The following KCNQ3 variants were observed in gnomAD, a reference collection of about 807,000 sequenced individuals.
KCNQ3 encodes the protein potassium voltage-gated channel subfamily KQT member 3.
KCNQ3 carries 30 observed loss-of-function variants against 92.5 expected under a neutral mutation model. That is an observed-to-expected ratio of 0.32 (90% CI 0.24 to 0.44). KCNQ3 has a LOEUF of 0.44. KCNQ3 is among the 20% of genes least tolerant of loss of function. KCNQ3 has a pLI of 1.00. For synonymous variants in KCNQ3, 450 were observed against 468.8 expected, an observed-to-expected ratio of 0.96 and a Z score of 0.52; for missense variants, 913 against 1,140.3, an observed-to-expected ratio of 0.80 and a Z score of 2.87.
intron 1 of KCNQ3, among the ~76,000 whole-genome samples, chr8:132,476,577 G>C (rs1412793057): frequency 1.3e-5 from 2 of 152,216 alleles, no homozygotes; most frequent in East Asian, 3.9e-4. Context: ...AGACTTGCAT[G>C]GGGCCTGTGG....
chr8:132,298,084 T>C (rs535262493), intron 1 of KCNQ3, among the ~76,000 whole-genome samples: 1 of 152,278 alleles, frequency 6.6e-6, no homozygotes, highest in South Asian at 2.1e-4. Flanking sequence ...GCCTTTGTGT[T>C]AGAGAAGAGG....
chr8:132,264,463 GT>G (rs1245668687), intron 1 of KCNQ3, among the ~76,000 whole-genome samples: 1 of 152,236 alleles, frequency 6.6e-6, no homozygotes, highest in Non-Finnish European at 1.5e-5. Flanking sequence ...TGTGCAGTGA[GT>G]GTAGTGGGCA....
Position 132,280,638 on chromosome 8 carries a change from G to A in KCNQ3, c.387-94457C>T, listed in dbSNP as rs527777972. On this transcript the variant is annotated intron_variant, in intron 1 of 14. Transcript: ENST00000388996. ...AGGGGACATCCAAACTCTATCAGTG[G>A]TCACAGGAGACCTTTTGGTGGAGAT... is the stretch of plus-strand genomic sequence containing the variant. Among the ~76,000 whole-genome samples the A allele has an allele frequency of 1.4e-3, 219 of 152,288 alleles. 1 individual carries two copies. Among genetic ancestry groups the A allele is most frequent in the African/African-American group, 5.2e-3 (215 of 41,554 alleles).
At chr8:132,362,904 CAG>C (rs1586957773) in intron 1 of KCNQ3, among the ~76,000 whole-genome samples, 1 of 152,104 alleles carries the variant, frequency 6.6e-6, no homozygotes, top group African/African-American at 2.4e-5. Flanking sequence ...GGGTTGTAAA[CAG>C]GGAGCAACAC....
intron 1 of KCNQ3, among the ~76,000 whole-genome samples, chr8:132,390,578 G>T (rs1586979618): frequency 6.6e-6 from 1 of 152,202 alleles, no homozygotes; most frequent in African/African-American, 2.4e-5. Flanking sequence ...TTCCCAAGGA[G>T]ATTCTCATGC....
At chr8:132,189,822 C>T (rs745993310) in intron 1 of KCNQ3, among the ~76,000 whole-genome samples, 2 of 123,144 alleles carry the variant, frequency 1.6e-5, no homozygotes, top group Non-Finnish European at 3.2e-5. Flanking sequence ...GCAAAAACTC[C>T]ATCTCAAAAA....
chr8:132,362,776 T>C (rs934245433), intron 1 of KCNQ3, among the ~76,000 whole-genome samples: 1 of 152,116 alleles, frequency 6.6e-6, no homozygotes, highest in African/African-American at 2.4e-5. Flanking sequence ...ATGTGGTCTT[T>C]AGAGGCAAGG....
At chr8:132,428,386 A>G (rs777087007) in intron 1 of KCNQ3, among the ~76,000 whole-genome samples, 2 of 152,254 alleles carry the variant, frequency 1.3e-5, no homozygotes, top group Non-Finnish European at 2.9e-5. Flanking sequence ...CCACTTTTGC[A>G]TAAGGCAACT....
chr8:132,214,116 G>C (rs1813950248), intron 1 of KCNQ3, among the ~76,000 whole-genome samples: 1 of 152,206 alleles, frequency 6.6e-6, no homozygotes, highest in Non-Finnish European at 1.5e-5. Flanking sequence ...CTGGGTTCTA[G>C]TCCTGGCTGT....
chr8:132,389,529 A>G (rs1162061218), intron 1 of KCNQ3, among the ~76,000 whole-genome samples: 1 of 152,214 alleles, frequency 6.6e-6, no homozygotes, highest in Non-Finnish European at 1.5e-5. Context: ...GAGAAAAGGC[A>G]TTTGCTGCAC....
chr8:132,227,357 G>A (rs545223105), intron 1 of KCNQ3, among the ~76,000 whole-genome samples: 1 of 152,060 alleles, frequency 6.6e-6, no homozygotes, highest in Admixed American at 6.6e-5. Flanking sequence ...ACCACACCCG[G>A]CCCCACTGGT....
chr8:132,431,237 C>G (rs1267129369), intron 1 of KCNQ3, among the ~76,000 whole-genome samples: 1 of 152,188 alleles, frequency 6.6e-6, no homozygotes, highest in Non-Finnish European at 1.5e-5. Flanking sequence ...GTGGACCATT[C>G]CCATGTGTCA....
chr8:132,211,004 C>G (rs1389703360), intron 1 of KCNQ3, among the ~76,000 whole-genome samples: 1 of 152,224 alleles, frequency 6.6e-6, no homozygotes, highest in Non-Finnish European at 1.5e-5. Context: ...TAGCAAAGAG[C>G]ATTGGGTCTC....
At chr8:132,356,559 G>C (rs1375309129) in intron 1 of KCNQ3, among the ~76,000 whole-genome samples, 1 of 152,128 alleles carries the variant, frequency 6.6e-6, no homozygotes, top group Non-Finnish European at 1.5e-5. Flanking sequence ...TCTAGTCTTG[G>C]AAACAGAATA....
intron 1 of KCNQ3, among the ~76,000 whole-genome samples, chr8:132,272,337 A>G (rs1288985317): frequency 6.6e-6 from 1 of 152,200 alleles, no homozygotes; most frequent in African/African-American, 2.4e-5. Flanking sequence ...GCTGTGATCA[A>G]TGAACTCACA....
At chr8:132,297,983 T>C (rs7814862) in intron 1 of KCNQ3, among the ~76,000 whole-genome samples, 16,328 of 152,308 alleles carry the variant, frequency 0.11, 978 homozygotes, top group South Asian at 0.17. Context: ...ATGAAATCTT[T>C]CTTTGGTTGT....
Position 132,480,644 on chromosome 8 carries a change from A to G in KCNQ3, c.-112T>C, listed in dbSNP as rs1822538715. On this transcript the variant is annotated 5_prime_UTR_variant, in exon 1 of 15. Coordinates refer to ENST00000388996, the MANE Select transcript of KCNQ3 (RefSeq NM_004519.4). ...GGCGGCTGCAAGCCCGGGAACTCCA[A>G]TGCCATGATCCGCGCGCCCCTCCCC... is the stretch of plus-strand genomic sequence containing the variant. The G allele has an allele frequency of 1.9e-6, 2 of 1,079,874 alleles. No individual in the cohort carries two copies. The highest frequency in any genetic ancestry group is 2.3e-6 in the Non-Finnish European group (2 of 858,822). The allele number at this position is 1,079,874 out of a possible 1,614,324, so 66.9% of individuals were successfully genotyped here.
chr8:132,163,887 T>C (rs561441220), intron 8 of KCNQ3, among the ~76,000 whole-genome samples: 1 of 152,328 alleles, frequency 6.6e-6, no homozygotes, highest in African/African-American at 2.4e-5. Flanking sequence ...TCACTACCAT[T>C]GTCATCATAG....
intron 1 of KCNQ3, among the ~76,000 whole-genome samples, chr8:132,411,467 G>A (rs1252815195): frequency 6.6e-6 from 1 of 152,164 alleles, no homozygotes; most frequent in African/African-American, 2.4e-5. Flanking sequence ...AGGTGGCCCT[G>A]GGTGTGGCAG....
Sources: gnomAD v4.1 joint callset for allele counts (sites outside exome capture counted in the v4.1 genomes callset) on GRCh38, gnomAD v4.1.1 for gene constraint, MANE v1.5 for transcripts, NCBI Gene and HGNC (gene_info 2026-07-23, HGNC 2026-07-21) for gene names.